PRR16: variants seen among roughly 807,000 people sequenced by gnomAD.
PRR16 encodes the protein protein Largen.
Under a neutral mutation model 18.2 loss-of-function variants are expected in PRR16, and 6 were observed. That is an observed-to-expected ratio of 0.33 (90% CI 0.18 to 0.65). PRR16 has a LOEUF of 0.65. Ranked by LOEUF, PRR16 falls within the 30% of genes least tolerant of loss-of-function variation. The pLI, the probability that PRR16 is intolerant of heterozygous loss-of-function variation, is 0.74. For synonymous variants in PRR16, 151 were observed against 147.8 expected (o/e 1.02, Z -0.16); for missense variants, 412 against 376.6 (o/e 1.09, Z -0.78).
chr5:120,506,824 A>G (rs913142309), intron 1 of PRR16, among the ~76,000 whole-genome samples: 2 of 152,128 alleles, frequency 1.3e-5, no homozygotes, highest in African/African-American at 4.8e-5. Flanking sequence ...AGACTAAAAA[A>G]ATATTAAGAA....
At chr5:120,467,994 G>C (rs1240489112) in intron 1 of PRR16, among the ~76,000 whole-genome samples, 1 of 152,114 alleles carries the variant, frequency 6.6e-6, no homozygotes. Context: ...CCAAAGGTTA[G>C]TTAGGGATAT....
chr5:120,558,713 G>A (rs190786782), intron 1 of PRR16, among the ~76,000 whole-genome samples: 1 of 151,970 alleles, frequency 6.6e-6, no homozygotes, highest in East Asian at 1.9e-4. Flanking sequence ...GTTTGTTGAG[G>A]AACCTCCAAA....
Position 120,686,727 on chromosome 5 carries a change from AT to A in PRR16, c.*20del, listed in dbSNP as rs772758532. On this transcript the variant is annotated 3_prime_UTR_variant, in exon 2 of 2. Coordinates refer to ENST00000407149, the MANE Select transcript of PRR16 (RefSeq NM_001300783.2). Reference sequence around the variant, plus strand: ...CCGTGTGATGTATGCCATTAAAAAAATTGTTTTTTTAATTTTCTATATTATA... The same window carrying A: ...CCGTGTGATGTATGCCATTAAAAAAATGTTTTTTTAATTTTCTATATTATA... The A allele has an allele frequency of 6.9e-6, 10 of 1,446,934 alleles. 2 individuals carry two copies. In the South Asian group the frequency reaches 1.7e-4, roughly 24 times the overall value. The allele number at this position is 1,446,934 out of a possible 1,614,324, so 89.6% of individuals were successfully genotyped here. A position where few individuals can be genotyped will look rare whatever the true frequency, so the allele number is the denominator to read the frequency against.
the PRR16 span, among the ~76,000 whole-genome samples, chr5:120,728,209 A>C: frequency 6.6e-6 from 1 of 152,054 alleles, no homozygotes; most frequent in Admixed American, 6.6e-5. Context: ...AACAAAATCA[A>C]ATTGCTGAAG....
At chr5:120,603,110 A>AT (rs923920217) in intron 1 of PRR16, among the ~76,000 whole-genome samples, 35 of 151,882 alleles carry the variant, frequency 2.3e-4, no homozygotes, top group African/African-American at 7.5e-4. Flanking sequence ...CTTCTCTTTG[A>AT]TTTTTTGGAA....
chr5:120,597,489 AT>A (rs150386375), intron 1 of PRR16, among the ~76,000 whole-genome samples: 2,088 of 151,812 alleles, frequency 0.014, 19 homozygotes, highest in Middle Eastern at 0.062. Flanking sequence ...ATTAATACAG[AT>A]TTATTTTGGA....
the PRR16 span, among the ~76,000 whole-genome samples, chr5:120,746,398 G>T: frequency 6.8e-6 from 1 of 146,788 alleles, no homozygotes; most frequent in East Asian, 2.1e-4. Flanking sequence ...CTTTAAAAAA[G>T]TAAGAAATTT....
intron 1 of PRR16, among the ~76,000 whole-genome samples, chr5:120,654,653 A>G (rs187668200): frequency 1.6e-4 from 24 of 152,104 alleles, no homozygotes; most frequent in Admixed American, 1.4e-3. Context: ...AACCTCAAAT[A>G]TTATGAATAA....
the PRR16 span, among the ~76,000 whole-genome samples, chr5:120,696,907 T>G: frequency 2.0e-5 from 3 of 152,228 alleles, no homozygotes; most frequent in African/African-American, 7.2e-5. Flanking sequence ...ATAAATGTTT[T>G]ATCTGTTTAA....
intron 1 of PRR16, among the ~76,000 whole-genome samples, chr5:120,659,189 G>T (rs1024940962): frequency 9.2e-5 from 14 of 151,842 alleles, no homozygotes; most frequent in Non-Finnish European, 1.5e-5. Flanking sequence ...TTGATTCCAG[G>T]ACCTAGTAGT....
intron 1 of PRR16, among the ~76,000 whole-genome samples, chr5:120,481,768 T>C (rs1255585890): frequency 2.6e-5 from 4 of 152,188 alleles, no homozygotes. Flanking sequence ...TTTTAAATTG[T>C]AGCATTTTTG....
chr5:120,773,862 C>A, the PRR16 span, among the ~76,000 whole-genome samples: 1 of 151,914 alleles, frequency 6.6e-6, no homozygotes, highest in Non-Finnish European at 1.5e-5. Context: ...TTTTGTGGAG[C>A]AAGGCAGAAA....
intron 1 of PRR16, among the ~76,000 whole-genome samples, chr5:120,587,009 A>T (rs1753469731): frequency 2.6e-5 from 4 of 152,228 alleles, no homozygotes; most frequent in Admixed American, 2.0e-4. Context: ...AATGATAAGC[A>T]AAACAGCCTT....
At chr5:120,523,438 T>C (rs1390616037) in intron 1 of PRR16, among the ~76,000 whole-genome samples, 2 of 152,180 alleles carry the variant, frequency 1.3e-5, no homozygotes, top group African/African-American at 4.8e-5. Context: ...ATATGAACTT[T>C]GCCATAGCAC....
chr5:120,492,161 C>T (rs1454982), intron 1 of PRR16, among the ~76,000 whole-genome samples: 105,545 of 149,694 alleles, frequency 0.71, 38,435 homozygotes, highest in East Asian at 0.97. Context: ...AAGGATCCAC[C>T]GCAGCCTCAG....
At chr5:120,600,419 A>C (rs1753945432) in intron 1 of PRR16, among the ~76,000 whole-genome samples, 1 of 151,896 alleles carries the variant, frequency 6.6e-6, no homozygotes, top group African/African-American at 2.4e-5. Flanking sequence ...GCATAATGAT[A>C]ATTGGGATTA....
At chr5:120,683,119 T>G (rs1344388698) in intron 1 of PRR16, among the ~76,000 whole-genome samples, 1 of 151,796 alleles carries the variant, frequency 6.6e-6, no homozygotes, top group East Asian at 1.9e-4. Context: ...AAATACAGAG[T>G]TGAGGACTGA....
chr5:120,734,807 G>C, the PRR16 span, among the ~76,000 whole-genome samples: 1 of 152,244 alleles, frequency 6.6e-6, no homozygotes, highest in African/African-American at 2.4e-5. Context: ...TCACTAGTTT[G>C]AGATAGCATA....
intron 1 of PRR16, among the ~76,000 whole-genome samples, chr5:120,662,021 T>G (rs752470204): frequency 6.6e-6 from 1 of 152,040 alleles, no homozygotes. Flanking sequence ...TAGGCACAGC[T>G]GGGGTGGAAA....
Sources: allele counts gnomAD v4.1 joint callset (sites outside exome capture counted in the v4.1 genomes callset), GRCh38; gene constraint gnomAD v4.1.1; transcripts MANE v1.5; gene names NCBI Gene and HGNC (gene_info 2026-07-23, HGNC 2026-07-21).